The following CFAP61 variants were observed in gnomAD, a reference collection of about 807,000 sequenced individuals.
The protein encoded by CFAP61 is cilia and flagella associated protein 61, also known as cilia- and flagella-associated protein 61.
Under a neutral mutation model 135.6 loss-of-function variants are expected in CFAP61, and 107 were observed. The observed-to-expected ratio is 0.79, with a 90% CI of 0.67 to 0.93. The LOEUF (loss-of-function observed/expected upper bound fraction) is 0.93. CFAP61 is among the 40% of genes least tolerant of loss of function. The pLI is 0.00. For missense variants in CFAP61, 1,507 were observed against 1,556.2 expected (o/e 0.97, Z 0.53); for synonymous variants, 575 against 578.5 (o/e 0.99, Z 0.09).
intron 2 of CFAP61, among the ~76,000 whole-genome samples, chr20:20,062,017 G>T (rs531846927): frequency 8.5e-5 from 13 of 152,278 alleles, no homozygotes; most frequent in African/African-American, 3.1e-4. Context: ...TCAGTTTTGT[G>T]ATCTTGGGAG....
intron 26 of CFAP61, among the ~76,000 whole-genome samples, chr20:20,349,392 G>A (rs1418308849): frequency 1.3e-5 from 2 of 152,272 alleles, no homozygotes; most frequent in Admixed American, 1.3e-4. Context: ...AAAAGAGAGA[G>A]GGAAGTGGTG....
intron 25 of CFAP61, among the ~76,000 whole-genome samples, chr20:20,321,446 C>T (rs1024859732): frequency 6.6e-6 from 1 of 152,190 alleles, no homozygotes; most frequent in Non-Finnish European, 1.5e-5. Flanking sequence ...TTACTTAACA[C>T]TCTGGTTGCA....
In CFAP61 at chr20:20,327,034, G is replaced by T. The variant is rs185482258; in HGVS notation, c.3423-14797G>T. ...TATAGTTTTGTTGCTGCTGTAGATG[G>T]AATCTTTTTGTTTCATTACATTTTC... On this transcript the variant is annotated intron_variant, in intron 25 of 26. Transcript: ENST00000245957. 8.7e-3 allele frequency among the ~76,000 whole-genome samples: 1,326 copies of T among 152,010 alleles called. 13 individuals are homozygous for T. Among genetic ancestry groups the T allele is most frequent in the Middle Eastern group, 0.031 (9 of 294 alleles).
At chr20:20,303,928 C>T (rs1032526192) in intron 25 of CFAP61, among the ~76,000 whole-genome samples, 8 of 152,162 alleles carry the variant, frequency 5.3e-5, no homozygotes, top group Non-Finnish European at 1.0e-4. Context: ...CCTATCTATT[C>T]TCACTCCATC....
chr20:20,098,290 G>A lies in CFAP61; in HGVS notation c.700-365G>A, dbSNP rs559484548. Among the ~76,000 whole-genome samples the A allele has an allele frequency of 1.8e-3, 271 of 152,240 alleles. 2 individuals are homozygous for A. Among genetic ancestry groups the A allele is most frequent in the Middle Eastern group, 6.8e-3 (2 of 294 alleles). ...GAGGGCTCTGGAGGTTTCCTGATGA[G>A]AATCATTTGACCTCTGATAAAGTAA... On this transcript the variant is annotated intron_variant, in intron 7 of 26. Transcript: ENST00000245957.
intron 8 of CFAP61, among the ~76,000 whole-genome samples, chr20:20,101,066 G>A (rs890754404): frequency 2.0e-5 from 3 of 151,970 alleles, no homozygotes; most frequent in Non-Finnish European, 4.4e-5. Context: ...TAACTTCCAG[G>A]GATTGAGTCA....
chr20:20,064,036 C>CCCCG (rs1555833266), intron 2 of CFAP61, among the ~76,000 whole-genome samples: 1 of 116,712 alleles, frequency 8.6e-6, no homozygotes, highest in Non-Finnish European at 1.8e-5. Context: ...AGAGTAACCG[C>CCCCG]CCCCCACCCC....
chr20:20,105,026 G>A (rs755663786), intron 8 of CFAP61, among the ~76,000 whole-genome samples: 13 of 152,218 alleles, frequency 8.5e-5, no homozygotes, highest in Middle Eastern at 3.4e-3. Context: ...TTGGGGGTGG[G>A]AGGAGGCACA....
chr20:20,181,973 A>G (rs970537906), intron 13 of CFAP61, among the ~76,000 whole-genome samples: 3 of 152,182 alleles, frequency 2.0e-5, no homozygotes, highest in African/African-American at 7.2e-5. Context: ...ACTTGCAGAG[A>G]GATGAAAGTA....
chr20:20,298,458 T>A (rs2055812394), intron 25 of CFAP61, 72 bp downstream of exon 25: 6 of 1,324,436 alleles, frequency 4.5e-6, no homozygotes, highest in Middle Eastern at 1.8e-4. Flanking sequence ...GAGGGACATG[T>A]GTTGTGATGC....
At chr20:20,352,293 C>G (rs1329424160) in intron 26 of CFAP61, among the ~76,000 whole-genome samples, 2 of 143,600 alleles carry the variant, frequency 1.4e-5, no homozygotes, top group Non-Finnish European at 3.2e-5. Context: ...CATAGTTCAC[C>G]CCACTATCAT....
At position 20,209,552 on chromosome 20, in the gene CFAP61, A is replaced by G. The variant is rs561627056; in HGVS notation, c.1932+9650A>G. Among the ~76,000 whole-genome samples the G allele has an allele frequency of 3.3e-5, 5 of 152,338 alleles. No homozygotes were observed. The South Asian group carries it at 1.0e-3, about 32-fold the overall frequency. On this transcript the variant is annotated intron_variant, in intron 17 of 26. Coordinates refer to ENST00000245957, the MANE Select transcript of CFAP61 (RefSeq NM_015585.4). ...TATGTCAGATACAGATTTTTAAGAC[A>G]AGTAACCAGGTGTGCAAAAGGATAC...
chr20:20,091,246 C>T (rs536876574), intron 7 of CFAP61, among the ~76,000 whole-genome samples: 1 of 152,198 alleles, frequency 6.6e-6, no homozygotes, highest in African/African-American at 2.4e-5. Flanking sequence ...AAAGACCCCC[C>T]AGGGGTGCGT....
chr20:20,165,563 T>TCTGGA (rs1335366795), intron 11 of CFAP61, among the ~76,000 whole-genome samples: 1 of 151,784 alleles, frequency 6.6e-6, no homozygotes, highest in Non-Finnish European at 1.5e-5. Context: ...TCTCCTGTGG[T>TCTGGA]CTGGACACTG....
intron 18 of CFAP61, among the ~76,000 whole-genome samples, chr20:20,232,319 A>T (rs1395924660): frequency 1.3e-5 from 2 of 151,936 alleles, no homozygotes; most frequent in African/African-American, 4.8e-5. Context: ...TGACTCTTTC[A>T]GGTTTCCACA....
At chr20:20,081,010 A>G (rs1166662526) in intron 6 of CFAP61, among the ~76,000 whole-genome samples, 1 of 152,100 alleles carries the variant, frequency 6.6e-6, no homozygotes, top group African/African-American at 2.4e-5. Context: ...CAAAAAAAAA[A>G]AGAAAAGAAA....
At chr20:20,286,915 G>A (rs547905811) in intron 22 of CFAP61, among the ~76,000 whole-genome samples, 27 of 152,292 alleles carry the variant, frequency 1.8e-4, no homozygotes, top group African/African-American at 6.5e-4. Context: ...AAAGAAAATT[G>A]GGTAGGTAGA....
chr20:20,068,894 G>A (rs907179132), intron 2 of CFAP61, among the ~76,000 whole-genome samples: 2 of 152,100 alleles, frequency 1.3e-5, no homozygotes, highest in African/African-American at 4.8e-5. Flanking sequence ...ACAGGCATGT[G>A]CCATCACGCC....
chr20:20,300,872 C>T (rs1490153541), intron 25 of CFAP61, among the ~76,000 whole-genome samples: 1 of 151,998 alleles, frequency 6.6e-6, no homozygotes, highest in African/African-American at 2.4e-5. Flanking sequence ...TCCCAAAATG[C>T]TGGGATTACA....
Sources: allele counts gnomAD v4.1 joint callset (sites outside exome capture counted in the v4.1 genomes callset), GRCh38; gene constraint gnomAD v4.1.1; transcripts MANE v1.5; gene names NCBI Gene and HGNC (gene_info 2026-07-23, HGNC 2026-07-21).